Variants in ANKRD6 observed in about 807,000 individuals in gnomAD.
ANKRD6 encodes ankyrin repeat domain 6.
Under a neutral mutation model 82.3 loss-of-function variants are expected in ANKRD6, and 56 were observed. That is an observed-to-expected ratio of 0.68 (90% CI 0.55 to 0.85). The LOEUF (loss-of-function observed/expected upper bound fraction) is 0.85, where lower values mean the gene tolerates loss of function less well. ANKRD6 is among the 40% of genes least tolerant of loss of function. The probability of loss-of-function intolerance (pLI) is 0.00; values close to 1 mark genes in which losing one functional copy is unlikely to be tolerated. For missense variants in ANKRD6, 852 were observed against 907.6 expected, an observed-to-expected ratio of 0.94 and a Z score of 0.79; for synonymous variants, 347 against 352.1, an observed-to-expected ratio of 0.99 and a Z score of 0.16.
chr6:89,622,730 G>C (rs1388796154), intron 10 of ANKRD6, among the ~76,000 whole-genome samples: 1 of 152,100 alleles, frequency 6.6e-6, no homozygotes, highest in East Asian at 1.9e-4. Context: ...TGTAGCCCTG[G>C]AATAAACCAT....
chr6:89,616,276 A>T lies in ANKRD6; in HGVS notation c.616-283A>T, dbSNP rs543361666. On this transcript the variant is annotated intron_variant, in intron 7 of 15. Transcript: ENST00000339746. The stretch of plus-strand genomic sequence containing the variant: ...TCCTCGTGAGGCTTCAGGTCCCACC[A>T]TTCTCAACAACCCAGGCCAGCATTA... 5 of 408,298 alleles carry T rather than the reference A, an allele frequency of 1.2e-5. No homozygotes were observed. In the East Asian group the frequency reaches 2.5e-4, roughly 20 times the overall value. The allele number at this position is 408,298 out of a possible 1,614,324, so 25.3% of individuals were successfully genotyped here.
At chr6:89,531,566 C>T (rs1783149413) in intron 1 of ANKRD6, among the ~76,000 whole-genome samples, 1 of 152,270 alleles carries the variant, frequency 6.6e-6, no homozygotes, top group Non-Finnish European at 1.5e-5. Context: ...CCGTCATTGC[C>T]CCATCCCTCC....
chr6:89,547,885 C>A (rs542202399), intron 1 of ANKRD6, among the ~76,000 whole-genome samples: 2 of 152,148 alleles, frequency 1.3e-5, no homozygotes, highest in Non-Finnish European at 2.9e-5. Flanking sequence ...CTCACAGTAA[C>A]CATATCAATA....
At chr6:89,492,416 AC>A (rs1778121268) in intron 1 of ANKRD6, among the ~76,000 whole-genome samples, 1 of 152,118 alleles carries the variant, frequency 6.6e-6, no homozygotes, top group Non-Finnish European at 1.5e-5. Context: ...CCAGCAAAAA[AC>A]ACAGGGTGAG....
rs1212135945 is a variant in ANKRD6 at position 89,516,677 on chromosome 6, G to A, written c.-143-50157G>A. Among the ~76,000 whole-genome samples the A allele has an allele frequency of 1.1e-4, 16 of 152,064 alleles. 2 individuals carry two copies. Among genetic ancestry groups the A allele is most frequent in the Admixed American group, 8.5e-4 (13 of 15,260 alleles). On this transcript the variant is annotated intron_variant, in intron 1 of 15. Transcript: ENST00000339746. ...TTTTTAGTAGAGACGGGGTTTTGCC[G>A]TGTTGGCCAGGCTGGTCTCAAACTC...
chr6:89,616,660 A>C lies in ANKRD6; in HGVS notation c.714+3A>C. 1.2e-6 allele frequency: 2 copies of C among 1,613,864 alleles called. No homozygotes were observed. The highest frequency in any genetic ancestry group is 2.2e-5 in the South Asian group (2 of 91,080). ...CAGATACGACCATTGTTAACAATGTAAGTTGAGTTGCAACATTGCTTTCTA... is the reference window on the plus strand; with the variant it reads ...CAGATACGACCATTGTTAACAATGTCAGTTGAGTTGCAACATTGCTTTCTA... On this transcript the variant is annotated splice_donor_region_variant and intron_variant, in intron 8 of 15. Transcript: ENST00000339746.
chr6:89,599,979 G>C (rs963935835), intron 3 of ANKRD6, among the ~76,000 whole-genome samples: 2 of 152,124 alleles, frequency 1.3e-5, no homozygotes, highest in Admixed American at 1.3e-4. Flanking sequence ...GCTGTGGCCT[G>C]GAAACAGGCA....
chr6:89,568,816 G>A (rs954143079), intron 2 of ANKRD6, among the ~76,000 whole-genome samples: 1 of 151,986 alleles, frequency 6.6e-6, no homozygotes, highest in African/African-American at 2.4e-5. Flanking sequence ...CACGCATCCC[G>A]GCCTCCAGAA....
intron 1 of ANKRD6, among the ~76,000 whole-genome samples, chr6:89,497,581 T>A (rs2224727): frequency 6.6e-6 from 1 of 151,964 alleles, no homozygotes; most frequent in Non-Finnish European, 1.5e-5. Context: ...CTAAATTGTG[T>A]CTTTTAAACA....
intron 4 of ANKRD6, 67 bp from the exon 5 acceptor site, chr6:89,605,940 T>C: frequency 8.4e-7 from 1 of 1,192,096 alleles, no homozygotes; most frequent in East Asian, 2.6e-5. Flanking sequence ...CACTGTGATG[T>C]ATTGATCATA....
intron 1 of ANKRD6, among the ~76,000 whole-genome samples, chr6:89,479,599 A>G (rs1776527025): frequency 6.8e-6 from 1 of 148,138 alleles, no homozygotes; most frequent in Admixed American, 6.7e-5. Context: ...TTTATTTTTT[A>G]TTTTTATTTA....
Position 89,624,036 on chromosome 6 carries a change from C to A in ANKRD6, c.1197C>A (p.Gly399=). 1 of 1,608,892 alleles carries A rather than the reference C, an allele frequency of 6.2e-7. No homozygotes were observed. Among genetic ancestry groups the A allele is most frequent in the Non-Finnish European group, 8.5e-7 (1 of 1,177,850 alleles). The change falls in exon 12 of 16, where the codon GGC becomes GGA. Residue 399 remains glycine (G), a synonymous_variant. Coordinates refer to ENST00000339746, the MANE Select transcript of ANKRD6 (RefSeq NM_001242809.2). ...ATCAGCTCTACACATTGTACCGGGG[C>A]AAGGATGGGAAAGTGATGCAGGTAC... ...RAYQLYTLYR[G]KDGKVMQAPI... is the part of the protein sequence containing the mutation.
At chr6:89,442,512 A>G (rs1263147722) in intron 1 of ANKRD6, among the ~76,000 whole-genome samples, 1 of 151,676 alleles carries the variant, frequency 6.6e-6, no homozygotes, top group Non-Finnish European at 1.5e-5. Context: ...AGTCCCAGCT[A>G]TTCAGGAGTC....
In ANKRD6 at chr6:89,606,376, C is replaced by T. The variant is rs530023640; in HGVS notation, c.417+271C>T. On this transcript the variant is annotated intron_variant, in intron 5 of 15. Transcript: ENST00000339746. ...CTGGGAATCTACATGCGATTACTGTCCCATAGTTTTTTTGTATTCAAAAAA... is the reference window on the plus strand; with the variant it reads ...CTGGGAATCTACATGCGATTACTGTTCCATAGTTTTTTTGTATTCAAAAAA... 9.2e-5 allele frequency among the ~76,000 whole-genome samples: 14 copies of T among 152,098 alleles called. 1 individual carries two copies. The highest frequency in any genetic ancestry group is 1.9e-4 in the Non-Finnish European group (13 of 68,040).
intron 1 of ANKRD6, among the ~76,000 whole-genome samples, chr6:89,453,588 C>CT (rs1206339386): frequency 4.7e-5 from 7 of 149,972 alleles, no homozygotes; most frequent in Middle Eastern, 3.4e-3. Context: ...CCAACAATTC[C>CT]TTTTTTTTTG....
At chr6:89,523,193 AC>A (rs1238799048) in intron 1 of ANKRD6, among the ~76,000 whole-genome samples, 2 of 151,998 alleles carry the variant, frequency 1.3e-5, no homozygotes, top group African/African-American at 4.8e-5. Context: ...GGCACTATCA[AC>A]TCTCAGGTTT....
At chr6:89,500,651 C>G (rs1193391519) in intron 1 of ANKRD6, among the ~76,000 whole-genome samples, 3 of 152,138 alleles carry the variant, frequency 2.0e-5, no homozygotes, top group Non-Finnish European at 4.4e-5. Context: ...CGCCCTCCTC[C>G]CAGGTCCCTA....
At chr6:89,434,049 T>C (rs1770309066) in intron 1 of ANKRD6, among the ~76,000 whole-genome samples, 2 of 152,088 alleles carry the variant, frequency 1.3e-5, no homozygotes, top group African/African-American at 4.8e-5. Context: ...GACTTGAATG[T>C]CTCAAAGCTG....
intron 1 of ANKRD6, among the ~76,000 whole-genome samples, chr6:89,454,650 T>C (rs1172575881): frequency 2.0e-5 from 3 of 152,266 alleles, no homozygotes; most frequent in African/African-American, 4.8e-5. Flanking sequence ...AGGTACGTCA[T>C]TGGGGCACTG....
Sources: allele counts gnomAD v4.1 joint callset (sites outside exome capture counted in the v4.1 genomes callset), GRCh38; gene constraint gnomAD v4.1.1; transcripts MANE v1.5; gene names NCBI Gene and HGNC (gene_info 2026-07-23, HGNC 2026-07-21).